B3GLCT: variants seen among roughly 807,000 people sequenced by gnomAD.
B3GLCT encodes the protein beta 3-glucosyltransferase, also known as beta-1,3-glucosyltransferase.
Under a neutral mutation model 63.4 loss-of-function variants are expected in B3GLCT, and 65 were observed. The ratio of observed to expected loss-of-function variants is 1.03; its 90% CI spans 0.84 to 1.26. The LOEUF is 1.26. B3GLCT is among the 50% of genes most tolerant of loss of function. B3GLCT has a pLI of 0.00. For synonymous variants in B3GLCT, 233 were observed against 219.2 expected (o/e 1.06, Z -0.55); for missense variants, 577 against 604.8 (o/e 0.95, Z 0.48).
intron 1 of B3GLCT, among the ~76,000 whole-genome samples, chr13:31,208,275 C>T (rs1054217798): frequency 1.3e-5 from 2 of 152,164 alleles, no homozygotes; most frequent in Non-Finnish European, 2.9e-5. Context: ...TGCTTCTCCT[C>T]CCCATCTGGC....
At chr13:31,268,581 A>G (rs1872438907) in intron 7 of B3GLCT, among the ~76,000 whole-genome samples, 1 of 152,192 alleles carries the variant, frequency 6.6e-6, no homozygotes, top group African/African-American at 2.4e-5. Context: ...GGTTGGGTAC[A>G]GGCACTCTAG....
intron 8 of B3GLCT, among the ~76,000 whole-genome samples, chr13:31,271,368 T>C (rs575356811): frequency 6.6e-6 from 1 of 152,252 alleles, no homozygotes; most frequent in Non-Finnish European, 1.5e-5. Context: ...ATCCGTTCTC[T>C]TGTTAATGGG....
intron 9 of B3GLCT, among the ~76,000 whole-genome samples, chr13:31,275,964 A>G (rs1210960685): frequency 2.0e-5 from 3 of 152,198 alleles, no homozygotes; most frequent in Non-Finnish European, 4.4e-5. Context: ...AGATGTCACT[A>G]TAAACCAGCC....
chr13:31,223,096 A>G lies in B3GLCT; in HGVS notation c.160+105A>G, dbSNP rs1164420630. On this transcript the variant is annotated intron_variant, in intron 3 of 14. Transcript: ENST00000343307. ...TTCTGATTTTATTTATGGGGTAAAT[A>G]TTGTTGTTCAAATATTCTGTCTTTG... The G allele has an allele frequency of 1.3e-5, 10 of 796,876 alleles. No individual in the cohort carries two copies. In the East Asian group the frequency reaches 2.3e-4, roughly 19 times the overall value. 49.4% of individuals were successfully genotyped at this position (796,876 alleles called of 1,614,324 possible). A position where few individuals can be genotyped will look rare whatever the true frequency, so the allele number is the denominator to read the frequency against.
At chr13:31,308,863 T>C (rs1277339623) in intron 12 of B3GLCT, among the ~76,000 whole-genome samples, 1 of 152,220 alleles carries the variant, frequency 6.6e-6, no homozygotes, top group African/African-American at 2.4e-5. Flanking sequence ...GTTCTGAGGC[T>C]AGTGGCTGAA....
At chr13:31,213,063 T>A (rs940674869) in intron 1 of B3GLCT, among the ~76,000 whole-genome samples, 1 of 152,048 alleles carries the variant, frequency 6.6e-6, no homozygotes, top group Non-Finnish European at 1.5e-5. Context: ...TGTGTATGTG[T>A]GTGTAAAGTG....
intron 12 of B3GLCT, among the ~76,000 whole-genome samples, chr13:31,290,236 G>A (rs527584623): frequency 1.3e-5 from 2 of 152,274 alleles, no homozygotes; most frequent in East Asian, 3.9e-4. Flanking sequence ...TGGTGTTTAT[G>A]TGCCACATTT....
intron 12 of B3GLCT, among the ~76,000 whole-genome samples, chr13:31,289,167 C>G (rs1873511085): frequency 6.6e-6 from 1 of 151,746 alleles, no homozygotes; most frequent in African/African-American, 2.4e-5. Context: ...AACTTGACGA[C>G]AGATCTTTTG....
At chr13:31,232,809 C>A (rs1427819196) in intron 4 of B3GLCT, among the ~76,000 whole-genome samples, 1 of 152,194 alleles carries the variant, frequency 6.6e-6, no homozygotes, top group Non-Finnish European at 1.5e-5. Flanking sequence ...TTATTTGTTA[C>A]CTGTCTCTTT....
intron 6 of B3GLCT, among the ~76,000 whole-genome samples, chr13:31,253,859 A>G (rs1871577751): frequency 6.6e-6 from 1 of 152,166 alleles, no homozygotes; most frequent in South Asian, 2.1e-4. Flanking sequence ...GGATATCACC[A>G]CCAATCCCAC....
At chr13:31,213,815 C>G (rs1869418486) in intron 1 of B3GLCT, among the ~76,000 whole-genome samples, 1 of 151,702 alleles carries the variant, frequency 6.6e-6, no homozygotes, top group Admixed American at 6.6e-5. Flanking sequence ...ATGAGGTGGT[C>G]TTGGGGAGGC....
intron 4 of B3GLCT, among the ~76,000 whole-genome samples, chr13:31,233,238 G>A (rs555186421): frequency 3.6e-4 from 55 of 152,166 alleles, no homozygotes; most frequent in African/African-American, 1.3e-3. Context: ...ATTTCTCTCA[G>A]TGAAACCGCA....
At chr13:31,301,929 T>C (rs1394064323) in intron 12 of B3GLCT, among the ~76,000 whole-genome samples, 1 of 152,250 alleles carries the variant, frequency 6.6e-6, no homozygotes, top group Non-Finnish European at 1.5e-5. Context: ...CACCTAAATA[T>C]GTCCACCCTC....
chr13:31,230,925 T>G (rs1870347185), intron 4 of B3GLCT, among the ~76,000 whole-genome samples: 1 of 152,086 alleles, frequency 6.6e-6, no homozygotes, highest in South Asian at 2.1e-4. Context: ...GGAGAATCAC[T>G]TGAACCCAGG....
chr13:31,241,410 G>A (rs1362318314), intron 4 of B3GLCT, among the ~76,000 whole-genome samples: 1 of 152,240 alleles, frequency 6.6e-6, no homozygotes, highest in Non-Finnish European at 1.5e-5. Flanking sequence ...GCACATGCAA[G>A]TGTGCAGAGG....
At chr13:31,231,478 G>C (rs561756757) in intron 4 of B3GLCT, among the ~76,000 whole-genome samples, 4 of 152,124 alleles carry the variant, frequency 2.6e-5, no homozygotes, top group Admixed American at 6.5e-5. Flanking sequence ...CCTTTCCATG[G>C]ATACGAATAG....
chr13:31,216,546 C>T (rs1241920045), intron 2 of B3GLCT, among the ~76,000 whole-genome samples: 1 of 152,138 alleles, frequency 6.6e-6, no homozygotes, highest in Admixed American at 6.5e-5. Context: ...TATTTTGTCA[C>T]CTAGGTAAGA....
Position 31,229,182 on chromosome 13 carries a change from T to C in B3GLCT, c.161-3T>C, listed in dbSNP as rs1566051029. ...ACCTGAAAACTATTTTTTTTTGTTCTAGACTTAAAAGGAATTGTATTCGTC... is the reference window on the plus strand; with the variant it reads ...ACCTGAAAACTATTTTTTTTTGTTCCAGACTTAAAAGGAATTGTATTCGTC... On this transcript the variant is annotated splice_polypyrimidine_tract_variant and splice_region_variant and intron_variant, in intron 3 of 14. Coordinates refer to ENST00000343307, the MANE Select transcript of B3GLCT (RefSeq NM_194318.4). 1.3e-6 allele frequency: 2 copies of C among 1,565,578 alleles called. No homozygotes were observed. Among genetic ancestry groups the C allele is most frequent in the South Asian group, 2.2e-5 (2 of 89,776 alleles).
At chr13:31,228,007 G>T (rs1010666201) in intron 3 of B3GLCT, among the ~76,000 whole-genome samples, 1 of 152,210 alleles carries the variant, frequency 6.6e-6, no homozygotes, top group Non-Finnish European at 1.5e-5. Context: ...TGTTTCTCTG[G>T]GAGGCAGCCT....
Sources: gnomAD v4.1 joint callset for allele counts (sites outside exome capture counted in the v4.1 genomes callset) on GRCh38, gnomAD v4.1.1 for gene constraint, MANE v1.5 for transcripts, NCBI Gene and HGNC (gene_info 2026-07-23, HGNC 2026-07-21) for gene names.